RS1: variants seen among roughly 807,000 people sequenced by gnomAD.
The protein encoded by RS1 is retinoschisin.
RS1 carries 2 observed loss-of-function variants against 20.8 expected under a neutral mutation model. The ratio of observed to expected loss-of-function variants is 0.10; its 90% CI spans 0.04 to 0.30. The LOEUF (loss-of-function observed/expected upper bound fraction) is 0.30, where lower values mean the gene tolerates loss of function less well. RS1 is among the 10% of genes least tolerant of loss of function. RS1 has a pLI of 1.00. For synonymous variants in RS1, 70 were observed against 75.8 expected (o/e 0.92, Z 0.40); for missense variants, 151 against 189.8 (o/e 0.80, Z 1.20).
intron 3 of RS1, among the ~76,000 whole-genome samples, chrX:18,653,972 A>G (rs1928159536): frequency 9.1e-6 from 1 of 109,910 alleles, no homozygotes; most frequent in Admixed American, 9.8e-5. Flanking sequence ...CGTCTCAAAA[A>G]AAAAATAAAA....
chrX:18,650,581 C>T lies in RS1; in HGVS notation c.185-3249G>A, dbSNP rs1303183476. On this transcript the variant is annotated intron_variant, in intron 3 of 5. Coordinates refer to ENST00000379984, the MANE Select transcript of RS1 (RefSeq NM_000330.4). Reference sequence around the variant, plus strand: ...GGCACTGATGCTTTCAGCTGCCCAACCCAGCAATCCGGTAAGCAGAGACTC... The same window carrying T: ...GGCACTGATGCTTTCAGCTGCCCAATCCAGCAATCCGGTAAGCAGAGACTC... 1.7e-6 allele frequency: 2 copies of T among 1,212,102 alleles called. No homozygotes were observed. The highest frequency in any genetic ancestry group is 4.3e-5 in the Admixed American group (2 of 46,109).
intron 1 of RS1, among the ~76,000 whole-genome samples, chrX:18,666,213 G>T (rs1212620813): frequency 8.9e-6 from 1 of 111,835 alleles, no homozygotes; most frequent in Non-Finnish European, 1.9e-5. Context: ...AAAGAGAATA[G>T]ATAGTATGGA....
intron 1 of RS1, among the ~76,000 whole-genome samples, chrX:18,657,952 C>G (rs1322474734): frequency 9.0e-6 from 1 of 111,571 alleles, no homozygotes; most frequent in African/African-American, 3.3e-5. Context: ...GGGCCTAACA[C>G]TTAGGCCAGG....
intron 4 of RS1, among the ~76,000 whole-genome samples, chrX:18,646,752 A>C (rs2071828): frequency 1.8e-5 from 2 of 109,862 alleles, no homozygotes; most frequent in African/African-American, 6.6e-5. Context: ...CACCTGCTGT[A>C]CCCCACGCCT....
chrX:18,659,840 C>A (rs145260265), intron 1 of RS1, among the ~76,000 whole-genome samples: 1 of 111,498 alleles, frequency 9.0e-6, no homozygotes, highest in Non-Finnish European at 1.9e-5. Context: ...CCTCTTCTTC[C>A]CTGAAGCAGG....
At chrX:18,666,342 G>A (rs1442933500) in intron 1 of RS1, among the ~76,000 whole-genome samples, 3 of 111,791 alleles carry the variant, frequency 2.7e-5, no homozygotes, top group African/African-American at 9.8e-5. Context: ...CGAAGGAGGC[G>A]AGACACCTGT....
chrX:18,653,861 G>A (rs938118556), intron 3 of RS1, among the ~76,000 whole-genome samples: 5 of 109,843 alleles, frequency 4.6e-5, no homozygotes, highest in South Asian at 3.9e-4. Flanking sequence ...CCAGCTACTC[G>A]GGAGGCTGAG....
rs773189029 is a variant in RS1 at position 18,668,564 on chromosome X, G to A, written c.52+3453C>T. 3.5e-5 allele frequency among the ~76,000 whole-genome samples: 4 copies of A among 113,279 alleles called. No homozygotes were observed. In the South Asian group the frequency reaches 1.4e-3, roughly 40 times the overall value. On this transcript the variant is annotated intron_variant, in intron 1 of 5. Transcript: ENST00000379984. ...TGCTTGAGAAACAGGAGGAACGCAC[G>A]CAGCAGGCTGCAATAATGTCCCTCT...
intron 3 of RS1, among the ~76,000 whole-genome samples, chrX:18,652,489 T>G (rs1400092123): frequency 9.0e-6 from 1 of 111,438 alleles, no homozygotes; most frequent in Non-Finnish European, 1.9e-5. Context: ...GCCAACACGG[T>G]GAAACCCCAT....
chrX:18,653,450 G>A lies in RS1; in HGVS notation c.184+3203C>T, dbSNP rs766531184. On this transcript the variant is annotated intron_variant, in intron 3 of 5. Coordinates refer to ENST00000379984, the MANE Select transcript of RS1 (RefSeq NM_000330.4). ...TTTCCAGGGTTCTCTTTCTTCGTGA[G>A]ACACGTTATGAGGGAAGCCCTGATT... 5 of 1,209,501 alleles carry A rather than the reference G, an allele frequency of 4.1e-6. No homozygotes were observed. The highest frequency in any genetic ancestry group is 4.4e-5 in the Admixed American group (2 of 45,688).
rs1277914359 is a variant in RS1, at chrX:18,641,770, G to A, written c.*234C>T. ...AGGCTTTTGTAAGAAAATTCGTTTC[G>A]GGGACATTTTCTTTGTTCTGACTTT... On this transcript the variant is annotated 3_prime_UTR_variant, in exon 6 of 6. Transcript: ENST00000379984. The A allele has an allele frequency of 7.4e-6, 3 of 403,880 alleles. No homozygotes were observed. Among genetic ancestry groups the A allele is most frequent in the South Asian group, 4.0e-5 (1 of 25,261 alleles). The allele number at this position is 403,880 out of a possible 1,213,427, so 33.3% of individuals were successfully genotyped here.
Position 18,639,818 on chromosome X carries a change from A to G in RS1, c.*2186T>C, listed in dbSNP as rs1433337744. On this transcript the variant is annotated 3_prime_UTR_variant, in exon 6 of 6. Coordinates refer to ENST00000379984, the MANE Select transcript of RS1 (RefSeq NM_000330.4). ...ATACTGAACAATGATGTTCAGCAAT[A>G]AAAAGGAGTGACAAGTGACATAGTG... 1.8e-5 allele frequency: 2 copies of G among 112,467 alleles called. No individual in the cohort carries two copies. The highest frequency in any genetic ancestry group is 9.4e-5 in the Admixed American group (1 of 10,642). 9.3% of individuals were successfully genotyped at this position (112,467 alleles called of 1,213,427 possible).
At chrX:18,656,446 C>T (rs934041948) in intron 3 of RS1, among the ~76,000 whole-genome samples, 5 of 111,951 alleles carry the variant, frequency 4.5e-5, no homozygotes, top group East Asian at 2.8e-4. Flanking sequence ...TTGTGAGATT[C>T]GAAGCTCAGA....
intron 3 of RS1, among the ~76,000 whole-genome samples, chrX:18,652,819 A>T (rs1928108771): frequency 8.9e-6 from 1 of 112,833 alleles, no homozygotes; most frequent in African/African-American, 3.2e-5. Flanking sequence ...TCTGTGGCTC[A>T]AATGGCTCTT....
chrX:18,645,095 T>A (rs1284708122), intron 4 of RS1, among the ~76,000 whole-genome samples: 3 of 112,506 alleles, frequency 2.7e-5, no homozygotes, highest in Non-Finnish European at 5.6e-5. Flanking sequence ...CCCATGTGGA[T>A]CTAGAAGGGC....
intron 1 of RS1, among the ~76,000 whole-genome samples, chrX:18,660,234 C>A (rs1928287097): frequency 9.1e-6 from 1 of 109,817 alleles, no homozygotes; most frequent in African/African-American, 3.3e-5. Flanking sequence ...CTCCCCTACA[C>A]CACCAAAACT....
intron 3 of RS1, chrX:18,650,637 CTCGGAA>C: frequency 8.5e-7 from 1 of 1,170,110 alleles, no homozygotes; most frequent in Admixed American, 2.2e-5. Flanking sequence ...TGGGCTGTAC[CTCGGAA>C]TTGCCCGAGG....
chrX:18,657,458 A>T (rs1047490083), intron 2 of RS1, among the ~76,000 whole-genome samples, 182 bp downstream of exon 2: 1 of 110,289 alleles, frequency 9.1e-6, no homozygotes, highest in Admixed American at 9.7e-5. Flanking sequence ...CCTGACCTCA[A>T]GTGATCTGCT....
chrX:18,652,673 A>G (rs1928104764), intron 3 of RS1, among the ~76,000 whole-genome samples: 1 of 111,549 alleles, frequency 9.0e-6, no homozygotes, highest in Non-Finnish European at 1.9e-5. Flanking sequence ...CATTTCAAAA[A>G]AAAAAACTAA....
Sources: allele counts gnomAD v4.1 joint callset (sites outside exome capture counted in the v4.1 genomes callset), GRCh38; gene constraint gnomAD v4.1.1; transcripts MANE v1.5; gene names NCBI Gene and HGNC (gene_info 2026-07-23, HGNC 2026-07-21).